LIMD1: variants seen among roughly 807,000 people sequenced by gnomAD.
LIMD1 encodes LIM domain-containing protein 1.
Under a neutral mutation model 58.4 loss-of-function variants are expected in LIMD1, and 23 were observed. The ratio of observed to expected loss-of-function variants is 0.39; its 90% CI spans 0.28 to 0.56. LIMD1 has a LOEUF of 0.56. Ranked by LOEUF, LIMD1 falls within the 20% of genes least tolerant of loss-of-function variation. The pLI, the probability that LIMD1 is intolerant of heterozygous loss-of-function variation, is 0.57. For synonymous variants in LIMD1, 334 were observed against 345.5 expected, an observed-to-expected ratio of 0.97 and a Z score of 0.37; for missense variants, 838 against 855.5, an observed-to-expected ratio of 0.98 and a Z score of 0.25.
In LIMD1 at chr3:45,680,170, G is replaced by A. The variant is rs1278844161; in HGVS notation, c.*3111G>A. ...TTTCAAGGCTGCTGCTCTGTGCTGT[G>A]TCCCATGCATGTGAAAGTAGAGCTG... On this transcript the variant is annotated 3_prime_UTR_variant, in exon 8 of 8. Coordinates refer to ENST00000273317, the MANE Select transcript of LIMD1 (RefSeq NM_014240.3). 6.6e-6 allele frequency: 1 copy of A among 152,200 alleles called. No individual in the cohort carries two copies. Among genetic ancestry groups the A allele is most frequent in the Non-Finnish European group, 1.5e-5 (1 of 68,054 alleles). 9.4% of individuals were successfully genotyped at this position (152,200 alleles called of 1,614,324 possible).
intron 3 of LIMD1, among the ~76,000 whole-genome samples, chr3:45,667,241 A>G (rs1697532345): frequency 6.6e-6 from 1 of 152,178 alleles, no homozygotes; most frequent in South Asian, 2.1e-4. Flanking sequence ...CGCCTGGAAA[A>G]AGTAACAGTG....
chr3:45,605,877 C>T (rs1320855712), intron 1 of LIMD1, among the ~76,000 whole-genome samples: 1 of 152,166 alleles, frequency 6.6e-6, no homozygotes, highest in Non-Finnish European at 1.5e-5. Context: ...GGGTCTCAGG[C>T]CTGATCATTT....
intron 1 of LIMD1, among the ~76,000 whole-genome samples, chr3:45,600,690 C>CT (rs989067882): frequency 6.6e-6 from 1 of 152,170 alleles, no homozygotes; most frequent in African/African-American, 2.4e-5. Flanking sequence ...GGCACCGTGC[C>CT]TTTGTTAGTT....
At chr3:45,602,537 C>G (rs1413462745) in intron 1 of LIMD1, among the ~76,000 whole-genome samples, 3 of 150,798 alleles carry the variant, frequency 2.0e-5, no homozygotes, top group Non-Finnish European at 4.5e-5. Flanking sequence ...GTATCCTAAC[C>G]CAGAAAACTG....
intron 6 of LIMD1, chr3:45,673,776 T>C (rs537884586): frequency 3.6e-5 from 17 of 474,924 alleles, no homozygotes; most frequent in African/African-American, 3.1e-4. Flanking sequence ...ATTGGCCAAG[T>C]GTGGTGGCAT....
intron 1 of LIMD1, among the ~76,000 whole-genome samples, chr3:45,596,896 C>T (rs1233270375): frequency 7.0e-6 from 1 of 142,424 alleles, no homozygotes; most frequent in Non-Finnish European, 1.5e-5. Context: ...GAGTCTCGTT[C>T]TGTAGCCCAG....
chr3:45,631,528 T>C (rs912409671), intron 1 of LIMD1, among the ~76,000 whole-genome samples: 3 of 152,154 alleles, frequency 2.0e-5, no homozygotes, highest in Non-Finnish European at 1.5e-5. Flanking sequence ...TTCCTTGTTT[T>C]GTATCTGTGC....
chr3:45,614,082 T>C (rs1701554202), intron 1 of LIMD1, among the ~76,000 whole-genome samples: 1 of 152,220 alleles, frequency 6.6e-6, no homozygotes, highest in Non-Finnish European at 1.5e-5. Flanking sequence ...ATTTCCTCTG[T>C]TAAAATATTA....
At chr3:45,617,314 T>C (rs563135060) in intron 1 of LIMD1, among the ~76,000 whole-genome samples, 10 of 152,326 alleles carry the variant, frequency 6.6e-5, no homozygotes, top group African/African-American at 2.4e-4. Flanking sequence ...CCCAAAGTGC[T>C]GGGATTACAG....
rs1370245471 is a variant in LIMD1 at position 45,595,595 on chromosome 3, C to T, written c.716C>T (p.Ser239Phe). Residue 239 changes from serine to phenylalanine, a missense_variant, in exon 1 of 8, where the codon TCT becomes TTT. Coordinates refer to ENST00000273317, the MANE Select transcript of LIMD1 (RefSeq NM_014240.3). Reference sequence around the variant, plus strand: ...CAGCTCTCCCTGAGCTCCAGCAGGTCTTCTGAGGGTAGCCTCGGTGGTCAG... The same window carrying T: ...CAGCTCTCCCTGAGCTCCAGCAGGTTTTCTGAGGGTAGCCTCGGTGGTCAG... ...HRQLSLSSSR[S>F]SEGSLGGQNS... 6.2e-7 allele frequency: 1 copy of T among 1,614,144 alleles called. No individual in the cohort carries two copies. The highest frequency in any genetic ancestry group is 1.1e-5 in the South Asian group (1 of 91,074).
intron 1 of LIMD1, among the ~76,000 whole-genome samples, chr3:45,610,901 A>G (rs267211): frequency 0.23 from 35,449 of 152,126 alleles, 4,288 homozygotes; most frequent in East Asian, 0.36. Context: ...TATTTTTCAT[A>G]TTGATTCTAT....
At chr3:45,668,427 T>G (rs1697546271) in intron 4 of LIMD1, 71 bp downstream of exon 4, 2 of 1,213,446 alleles carry the variant, frequency 1.6e-6, no homozygotes, top group Middle Eastern at 1.9e-4. Flanking sequence ...AAAAAGAAAT[T>G]AATAATTGAG....
In LIMD1 at chr3:45,685,608, G is replaced by A. The variant is rs2742414; in HGVS notation, c.*8549G>A. The A allele has an allele frequency of 0.92, 140,760 of 152,298 alleles. 65,045 individuals are homozygous for A. The highest frequency in any genetic ancestry group is 0.97 in the South Asian group (4,699 of 4,824). 9.4% of individuals were successfully genotyped at this position (152,298 alleles called of 1,614,324 possible). A position where few individuals can be genotyped will look rare whatever the true frequency, so the allele number is the denominator to read the frequency against. On this transcript the variant is annotated 3_prime_UTR_variant, in exon 8 of 8. Coordinates refer to ENST00000273317, the MANE Select transcript of LIMD1 (RefSeq NM_014240.3). ...GGGGTAAGTGGCAGATGTGACTGCC[G>A]TCCATGCCCAGACAGGGAATTGTCC...
At chr3:45,641,460 A>G (rs1055583309) in intron 2 of LIMD1, among the ~76,000 whole-genome samples, 6 of 150,304 alleles carry the variant, frequency 4.0e-5, no homozygotes, top group Non-Finnish European at 8.9e-5. Flanking sequence ...CTAGTTTAAA[A>G]CACTATATAT....
At chr3:45,676,780 A>G in intron 7 of LIMD1, 142 bp from the exon 8 acceptor site, 2 of 790,756 alleles carry the variant, frequency 2.5e-6, no homozygotes, top group Admixed American at 3.8e-5. Context: ...TCCACGGGGC[A>G]GGAGCTGTGT....
At chr3:45,598,857 G>A (rs1364179955) in intron 1 of LIMD1, among the ~76,000 whole-genome samples, 2 of 152,194 alleles carry the variant, frequency 1.3e-5, no homozygotes, top group African/African-American at 4.8e-5. Flanking sequence ...GTCCCTGTAG[G>A]CCTGGTCTGT....
At chr3:45,669,910 C>T (rs1252907594) in intron 4 of LIMD1, among the ~76,000 whole-genome samples, 1 of 152,204 alleles carries the variant, frequency 6.6e-6, no homozygotes, top group Non-Finnish European at 1.5e-5. Context: ...CATAAACACT[C>T]ATTTCTGCTG....
At chr3:45,633,518 G>A (rs187569622) in intron 1 of LIMD1, among the ~76,000 whole-genome samples, 53 of 152,314 alleles carry the variant, frequency 3.5e-4, no homozygotes, top group South Asian at 1.0e-3. Context: ...TCAAGAATGG[G>A]ATGGATTGTT....
chr3:45,604,812 C>T (rs1297717829), intron 1 of LIMD1, among the ~76,000 whole-genome samples: 1 of 152,180 alleles, frequency 6.6e-6, no homozygotes, highest in Non-Finnish European at 1.5e-5. Context: ...CATGCTTTCT[C>T]TCTGGAGTCC....
Sources: allele counts gnomAD v4.1 joint callset (sites outside exome capture counted in the v4.1 genomes callset), GRCh38; gene constraint gnomAD v4.1.1; transcripts MANE v1.5; gene names NCBI Gene and HGNC (gene_info 2026-07-23, HGNC 2026-07-21).